The following IGF2BP2 variants were observed in gnomAD, a reference collection of about 807,000 sequenced individuals.
The protein encoded by IGF2BP2 is insulin like growth factor 2 mRNA binding protein 2, also known as insulin-like growth factor 2 mRNA-binding protein 2.
Under a neutral mutation model 75.8 loss-of-function variants are expected in IGF2BP2, and 17 were observed. The observed-to-expected ratio is 0.22, with a 90% confidence interval of 0.15 to 0.34. The LOEUF (loss-of-function observed/expected upper bound fraction) is 0.34, where lower values mean the gene tolerates loss of function less well. IGF2BP2 is among the 10% of genes least tolerant of loss of function. The pLI, the probability that IGF2BP2 is intolerant of heterozygous loss-of-function variation, is 1.00. For missense variants in IGF2BP2, 516 were observed against 772.4 expected (o/e 0.67, Z 3.93); for synonymous variants, 288 against 295.6 (o/e 0.97, Z 0.26).
chr3:185,684,185 T>G (rs1270038979), intron 7 of IGF2BP2, among the ~76,000 whole-genome samples: 1 of 152,178 alleles, frequency 6.6e-6, no homozygotes, highest in Non-Finnish European at 1.5e-5. Context: ...ACATAGTGAC[T>G]GCTCAATAAA....
chr3:185,698,212 C>T, intron 3 of IGF2BP2, 87 bp downstream of exon 3: 1 of 1,160,016 alleles, frequency 8.6e-7, no homozygotes. Flanking sequence ...GTGGGAAACA[C>T]TGAGGCCCTC....
intron 2 of IGF2BP2, among the ~76,000 whole-genome samples, chr3:185,744,886 G>A (rs569372026): frequency 6.6e-6 from 1 of 152,204 alleles, no homozygotes; most frequent in East Asian, 1.9e-4. Context: ...TTTTCATACG[G>A]CATTAAAAAT....
intron 2 of IGF2BP2, among the ~76,000 whole-genome samples, chr3:185,761,893 A>G (rs907056453): frequency 6.6e-6 from 1 of 152,232 alleles, no homozygotes; most frequent in Admixed American, 6.5e-5. Flanking sequence ...GGGGGCACGG[A>G]GTGAAAAACG....
At chr3:185,741,482 G>A (rs1729549401) in intron 2 of IGF2BP2, among the ~76,000 whole-genome samples, 1 of 152,160 alleles carries the variant, frequency 6.6e-6, no homozygotes, top group African/African-American at 2.4e-5. Flanking sequence ...ATAGACACAA[G>A]ATAAAAGAAT....
At chr3:185,810,147 T>C (rs906537619) in intron 2 of IGF2BP2, among the ~76,000 whole-genome samples, 3 of 152,244 alleles carry the variant, frequency 2.0e-5, no homozygotes, top group African/African-American at 7.2e-5. Flanking sequence ...ACTAATGAGT[T>C]ATTTCATTCT....
intron 2 of IGF2BP2, among the ~76,000 whole-genome samples, chr3:185,725,334 G>A (rs933242745): frequency 1.3e-5 from 2 of 152,204 alleles, no homozygotes; most frequent in Non-Finnish European, 2.9e-5. Context: ...CAAGATGTAC[G>A]CTTCCAGAAG....
intron 2 of IGF2BP2, among the ~76,000 whole-genome samples, chr3:185,763,119 G>A (rs891038598): frequency 1.3e-5 from 2 of 151,926 alleles, no homozygotes; most frequent in Non-Finnish European, 2.9e-5. Flanking sequence ...TAATTTAACT[G>A]GTCTGGGATT....
intron 2 of IGF2BP2, among the ~76,000 whole-genome samples, chr3:185,778,319 G>A (rs1229384303): frequency 6.6e-6 from 1 of 152,126 alleles, no homozygotes; most frequent in Non-Finnish European, 1.5e-5. Flanking sequence ...AACCTAATGT[G>A]TGCAACTTTA....
At chr3:185,667,746 T>C (rs1295167988) in intron 10 of IGF2BP2, among the ~76,000 whole-genome samples, 1 of 152,238 alleles carries the variant, frequency 6.6e-6, no homozygotes, top group African/African-American at 2.4e-5. Context: ...AAGATTTATG[T>C]AGAGGCACAC....
Position 185,824,865 on chromosome 3 carries a change from T to C in IGF2BP2, c.96A>G (p.Gly32=). 6.4e-7 allele frequency: 1 copy of C among 1,562,220 alleles called. No individual in the cohort carries two copies. Among genetic ancestry groups the C allele is most frequent in the Non-Finnish European group, 8.7e-7 (1 of 1,154,326 alleles). ...CGTAGCCGGACTTCAGCAGGACCTGTCCCGCCAGGGGCAGCTTCCTGTCCC... is the reference window on the plus strand; with the variant it reads ...CGTAGCCGGACTTCAGCAGGACCTGCCCCGCCAGGGGCAGCTTCCTGTCCC... The part of the protein sequence containing the change: ...LFGDRKLPLA[G]QVLLKSGYAF... The change falls in exon 1 of 16, where the codon GGA becomes GGG. Residue 32 remains glycine, a synonymous_variant. Transcript: ENST00000382199.
At chr3:185,822,262 C>T (rs188948644) in intron 2 of IGF2BP2, among the ~76,000 whole-genome samples, 1 of 152,286 alleles carries the variant, frequency 6.6e-6, no homozygotes, top group East Asian at 1.9e-4. Flanking sequence ...CTTCATTGAA[C>T]AGCTCCAGTC....
At position 185,755,399 on chromosome 3, in the gene IGF2BP2, A is replaced by G. The variant is rs529380861; in HGVS notation, c.240-57052T>C. Among the ~76,000 whole-genome samples the G allele has an allele frequency of 3.3e-5, 5 of 152,326 alleles. No homozygotes were observed. The East Asian group carries it at 9.7e-4, about 29-fold the overall frequency. On this transcript the variant is annotated intron_variant, in intron 2 of 15. Coordinates refer to ENST00000382199, the MANE Select transcript of IGF2BP2 (RefSeq NM_006548.6). Reference sequence around the variant, plus strand: ...GCACCCCCTGCGTAGATTTCAGAGGATGTACAGGAAAGCTTGTATAGGAGC... The same window carrying G: ...GCACCCCCTGCGTAGATTTCAGAGGGTGTACAGGAAAGCTTGTATAGGAGC...
At chr3:185,773,676 A>G (rs1461640078) in intron 2 of IGF2BP2, among the ~76,000 whole-genome samples, 2 of 152,158 alleles carry the variant, frequency 1.3e-5, no homozygotes, top group Non-Finnish European at 1.5e-5. Flanking sequence ...AAAATGAGCA[A>G]CTGGCCTTAT....
intron 2 of IGF2BP2, among the ~76,000 whole-genome samples, chr3:185,776,584 A>G (rs1211718752): frequency 6.6e-6 from 1 of 152,178 alleles, no homozygotes; most frequent in Non-Finnish European, 1.5e-5. Context: ...TCCAATAGGA[A>G]GGAAGTCAGA....
intron 8 of IGF2BP2, 56 bp from the exon 9 acceptor site, chr3:185,675,487 C>G (rs1462388446): frequency 2.5e-6 from 4 of 1,575,192 alleles, no homozygotes; most frequent in Non-Finnish European, 2.6e-6. Context: ...ATAAAATGCC[C>G]AAAAAATAAA....
At chr3:185,694,166 G>A (rs933906997) in intron 4 of IGF2BP2, among the ~76,000 whole-genome samples, 4 of 152,262 alleles carry the variant, frequency 2.6e-5, no homozygotes, top group Middle Eastern at 3.4e-3. Flanking sequence ...TTCATAGCAC[G>A]CTTTAATTCA....
chr3:185,668,466 TCAAAC>T (rs1717985093), intron 10 of IGF2BP2, among the ~76,000 whole-genome samples: 1 of 144,122 alleles, frequency 6.9e-6, no homozygotes. Flanking sequence ...ACATTTAACT[TCAAAC>T]AAAAGTTCAT....
intron 13 of IGF2BP2, among the ~76,000 whole-genome samples, chr3:185,651,644 C>T (rs1282145306): frequency 1.3e-5 from 2 of 151,976 alleles, no homozygotes; most frequent in Admixed American, 6.6e-5. Context: ...TTAGAAAGCT[C>T]GAGTTATAAT....
chr3:185,749,393 T>C (rs1232864483), intron 2 of IGF2BP2, among the ~76,000 whole-genome samples: 1 of 152,214 alleles, frequency 6.6e-6, no homozygotes, highest in Non-Finnish European at 1.5e-5. Context: ...GGAATTAAAA[T>C]ACACAATCAA....
Sources: allele counts gnomAD v4.1 joint callset (sites outside exome capture counted in the v4.1 genomes callset), GRCh38; gene constraint gnomAD v4.1.1; transcripts MANE v1.5; gene names NCBI Gene and HGNC (gene_info 2026-07-23, HGNC 2026-07-21).